Variants in ZC3HAV1 observed in about 807,000 individuals in gnomAD.
ZC3HAV1 encodes zinc finger CCCH-type containing, antiviral 1.
Under a neutral mutation model 86.6 loss-of-function variants are expected in ZC3HAV1, and 41 were observed. That is an observed-to-expected ratio of 0.47 (90% CI 0.37 to 0.61). ZC3HAV1 has a LOEUF of 0.61. Among genes scored for constraint, ZC3HAV1 ranks in the 20% least tolerant of loss-of-function variants. The pLI is 0.00. For missense variants in ZC3HAV1, 964 were observed against 1,141.1 expected (o/e 0.84, Z 2.24); for synonymous variants, 421 against 432.1 (o/e 0.97, Z 0.32).
intron 1 of ZC3HAV1, among the ~76,000 whole-genome samples, chr7:139,091,326 G>A (rs1817427646): frequency 6.6e-6 from 1 of 152,126 alleles, no homozygotes; most frequent in Admixed American, 6.5e-5. Context: ...GTGAAACCAC[G>A]TGTCTACTAA....
chr7:139,084,018 A>T lies in ZC3HAV1; in HGVS notation c.459T>A (p.Tyr153Ter). Residue 153 changes from tyrosine (Y) to a stop codon, truncating the protein, a stop_gained, in exon 3 of 13, where the codon TAT becomes TAA. Transcript: ENST00000242351. LOFTEE classifies it high-confidence loss of function. ...AAATCTGCTGCCGACCCTCTCCCTT[A>T]TAACTTTTGCATATCTACAGAAGGG... ...PFFMPEICKS[Y>*]KGEGRQQICN... 1.2e-6 allele frequency: 2 copies of T among 1,614,000 alleles called. No homozygotes were observed. Among genetic ancestry groups the T allele is most frequent in the Non-Finnish European group, 1.7e-6 (2 of 1,179,926 alleles).
chr7:139,046,604 A>G lies in ZC3HAV1; in HGVS notation c.*990T>C, dbSNP rs1815959829. The G allele has an allele frequency of 6.6e-6, 1 of 152,224 alleles. No individual in the cohort carries two copies. 9.4% of individuals were successfully genotyped at this position (152,224 alleles called of 1,614,324 possible). A position where few individuals can be genotyped will look rare whatever the true frequency, so the allele number is the denominator to read the frequency against. On this transcript the variant is annotated 3_prime_UTR_variant, in exon 13 of 13. Coordinates refer to ENST00000242351, the MANE Select transcript of ZC3HAV1 (RefSeq NM_020119.4). ...TTGCCAGCTCTTATTACCGCATTCC[A>G]GAGAGAGTCAACCTGGATGGAGTTT...
intron 4 of ZC3HAV1, among the ~76,000 whole-genome samples, chr7:139,078,917 T>C (rs1408918431): frequency 1.3e-5 from 2 of 152,254 alleles, no homozygotes; most frequent in Non-Finnish European, 2.9e-5. Context: ...GTTTATTCCC[T>C]GTGGTTCTAC....
chr7:139,060,696 A>G (rs1193923236), intron 9 of ZC3HAV1: 12 of 1,091,380 alleles, frequency 1.1e-5, no homozygotes, highest in Non-Finnish European at 1.2e-5. Context: ...AAAAAAAAGA[A>G]TCCACAGCAA....
At position 139,083,983 on chromosome 7, in the gene ZC3HAV1, T is replaced by C; in HGVS notation, c.494A>G (p.Gln165Arg). The change falls in exon 3 of 13, where the codon CAG becomes CGG. Residue 165 changes from glutamine (Q) to arginine (R), a missense_variant. Gln to Arg is a conservative substitution (Grantham distance 43). Coordinates refer to ENST00000242351, the MANE Select transcript of ZC3HAV1 (RefSeq NM_020119.4). Reference protein sequence around the residue: ...GEGRQQICNQQPPCSRLHICD... With the variant: ...GEGRQQICNQRPPCSRLHICD... The stretch of plus-strand genomic sequence containing the variant: ...GATGTGGAGTCTTGAACACGGTGGC[T>C]GCTGGTTACAAATCTGCTGCCGACC... The C allele has an allele frequency of 6.2e-7, 1 of 1,614,158 alleles. No homozygotes were observed. The highest frequency in any genetic ancestry group is 8.5e-7 in the Non-Finnish European group (1 of 1,180,028).
At chr7:139,095,509 A>G (rs903124699) in intron 1 of ZC3HAV1, among the ~76,000 whole-genome samples, 1 of 152,242 alleles carries the variant, frequency 6.6e-6, no homozygotes, top group Admixed American at 6.5e-5. Flanking sequence ...TCACTGCAGA[A>G]AATGGTGAAC....
intron 2 of ZC3HAV1, among the ~76,000 whole-genome samples, 159 bp downstream of exon 2, chr7:139,089,465 A>G (rs1162183709): frequency 1.3e-5 from 2 of 152,182 alleles, no homozygotes; most frequent in Admixed American, 6.5e-5. Flanking sequence ...ATAGGAGAGA[A>G]ATTTCTGGGA....
chr7:139,104,613 C>CT, intron 1 of ZC3HAV1, among the ~76,000 whole-genome samples: 1 of 148,986 alleles, frequency 6.7e-6, no homozygotes, highest in Non-Finnish European at 1.5e-5. Context: ...GTCCCAGCTA[C>CT]GCGGGAGGCT....
At chr7:139,105,407 T>C (rs1199383816) in intron 1 of ZC3HAV1, among the ~76,000 whole-genome samples, 2 of 152,218 alleles carry the variant, frequency 1.3e-5, no homozygotes, top group African/African-American at 4.8e-5. Flanking sequence ...GTGCTTATCA[T>C]AGTGGTTGGC....
intron 6 of ZC3HAV1, among the ~76,000 whole-genome samples, chr7:139,075,365 C>A (rs1048122882): frequency 6.6e-6 from 1 of 152,220 alleles, no homozygotes; most frequent in Non-Finnish European, 1.5e-5. Context: ...TCTTATATCC[C>A]TGCACACCAT....
chr7:139,071,146 G>A (rs1816762434), intron 7 of ZC3HAV1, among the ~76,000 whole-genome samples: 1 of 149,514 alleles, frequency 6.7e-6, no homozygotes, highest in Non-Finnish European at 1.5e-5. Flanking sequence ...ACCCAGGCTG[G>A]AGCGTAGTGG....
chr7:139,064,907 G>A lies in ZC3HAV1; in HGVS notation c.1965C>T (p.Gly655=). 2 of 1,614,162 alleles carry A rather than the reference G, an allele frequency of 1.2e-6. No individual in the cohort carries two copies. The highest frequency in any genetic ancestry group is 1.7e-6 in the Non-Finnish European group (2 of 1,180,028). ...GGAAACTCAGCTCATAGTTCCGTGAGCCCGCCTGAAATGGCACAACTCCCC... is the reference window on the plus strand; with the variant it reads ...GGAAACTCAGCTCATAGTTCCGTGAACCCGCCTGAAATGGCACAACTCCCC... ...CPRGVVPFQA[G]SRNYELSFQG... Residue 655 remains glycine, a synonymous_variant, in exon 8 of 13, where the codon GGC becomes GGT. Coordinates refer to ENST00000242351, the MANE Select transcript of ZC3HAV1 (RefSeq NM_020119.4).
At position 139,108,825 on chromosome 7, in the gene ZC3HAV1, G is replaced by A. The variant is rs954617059; in HGVS notation, c.308+199C>T. Among the ~76,000 whole-genome samples, 67 of 152,316 alleles carry A rather than the reference G, an allele frequency of 4.4e-4. No homozygotes were observed. Among genetic ancestry groups the A allele is most frequent in the African/African-American group, 1.5e-3 (64 of 41,582 alleles). On this transcript the variant is annotated intron_variant, in intron 1 of 12. Transcript: ENST00000242351. The surrounding 1 kb of genome is among the most constrained non-coding windows in gnomAD (Gnocchi z 4.2). ...TCTCGAGAAAATGTCTGGAGGTGCC[G>A]GAAGGAAGGGAACTGCAAAGGTAGA... is the stretch of plus-strand genomic sequence containing the variant.
chr7:139,056,010 A>G (rs1213079927), intron 9 of ZC3HAV1, among the ~76,000 whole-genome samples: 1 of 152,234 alleles, frequency 6.6e-6, no homozygotes, highest in Non-Finnish European at 1.5e-5. Context: ...ATATCTCTTC[A>G]TAAGATGGGA....
intron 9 of ZC3HAV1, among the ~76,000 whole-genome samples, chr7:139,056,382 T>G (rs1441205880): frequency 8.6e-6 from 1 of 116,354 alleles, no homozygotes; most frequent in Non-Finnish European, 1.6e-5. Context: ...TTTTATTGTT[T>G]TTTTTTTTTC....
At chr7:139,102,821 G>C (rs1347444791) in intron 1 of ZC3HAV1, among the ~76,000 whole-genome samples, 1 of 151,382 alleles carries the variant, frequency 6.6e-6, no homozygotes, top group Non-Finnish European at 1.5e-5. Context: ...CTGGGAGGCT[G>C]ACATGGGAGG....
At position 139,079,487 on chromosome 7, in the gene ZC3HAV1, C is replaced by T. The variant is rs2236426; in HGVS notation, c.1454G>A (p.Arg485Lys). The T allele has an allele frequency of 0.15, 248,374 of 1,613,908 alleles. 23,475 individuals carry two copies. Among genetic ancestry groups the T allele is most frequent in the Admixed American group, 0.4 (23,757 of 59,986 alleles). ...GTATTTACCGTTAACAAGTGCTACT[C>T]TTGGGTCAGCATCATCTGCGATTCT... Reference protein sequence around the residue: ...TGRIADDADPRVALVNDSLSD... With the variant: ...TGRIADDADPKVALVNDSLSD... Residue 485 changes from arginine (R) to lysine (K), a missense_variant, in exon 4 of 13, where the codon AGA becomes AAA. Physicochemically the swap from Arg to Lys is conservative, Grantham distance 26. Transcript: ENST00000242351.
intron 2 of ZC3HAV1, among the ~76,000 whole-genome samples, chr7:139,085,574 T>C (rs917715147): frequency 3.3e-5 from 5 of 152,202 alleles, no homozygotes; most frequent in African/African-American, 1.2e-4. Flanking sequence ...TGCAAAGCAA[T>C]CAATGAAGTG....
intron 7 of ZC3HAV1, among the ~76,000 whole-genome samples, chr7:139,065,897 CA>C (rs1226820574): frequency 1.3e-4 from 20 of 151,274 alleles, no homozygotes; most frequent in African/African-American, 1.2e-4. Flanking sequence ...AAGACTCTGT[CA>C]AAAAAAGAAA....
Sources: allele counts gnomAD v4.1 joint callset (sites outside exome capture counted in the v4.1 genomes callset), GRCh38; gene constraint gnomAD v4.1.1; non-coding constraint Gnocchi (gnomAD v3.1); transcripts MANE v1.5; gene names NCBI Gene and HGNC (gene_info 2026-07-23, HGNC 2026-07-21).